TNIK: variants seen among roughly 807,000 people sequenced by gnomAD.
TNIK encodes the protein TRAF2 and NCK interacting kinase.
Under a neutral mutation model 191.3 loss-of-function variants are expected in TNIK, and 49 were observed. The observed-to-expected ratio is 0.26, with a 90% confidence interval of 0.20 to 0.32. The LOEUF (loss-of-function observed/expected upper bound fraction) is 0.32, where lower values mean the gene tolerates loss of function less well. Among genes scored for constraint, TNIK ranks in the 10% least tolerant of loss-of-function variants. The probability of loss-of-function intolerance (pLI) is 1.00; values close to 1 mark genes in which losing one functional copy is unlikely to be tolerated. For synonymous variants in TNIK, 594 were observed against 600.9 expected, an observed-to-expected ratio of 0.99 and a Z score of 0.17; for missense variants, 1,155 against 1,702.3, an observed-to-expected ratio of 0.68 and a Z score of 5.66.
chr3:171,265,285 G>A (rs996899555), intron 2 of TNIK, among the ~76,000 whole-genome samples: 2 of 152,136 alleles, frequency 1.3e-5, no homozygotes, highest in African/African-American at 2.4e-5. Context: ...TCAAATAATA[G>A]GAGAAAATCT....
At chr3:171,353,916 T>C (rs1434749653) in intron 2 of TNIK, among the ~76,000 whole-genome samples, 2 of 152,186 alleles carry the variant, frequency 1.3e-5, no homozygotes, top group Non-Finnish European at 2.9e-5. Flanking sequence ...TTTCTTAAAA[T>C]GTTTATTCTG....
intron 2 of TNIK, among the ~76,000 whole-genome samples, chr3:171,321,671 C>T (rs903064700): frequency 6.6e-6 from 1 of 152,100 alleles, no homozygotes; most frequent in Non-Finnish European, 1.5e-5. Flanking sequence ...GGAAAACAGC[C>T]TATTATGTTA....
rs552380366 is a variant in TNIK at position 171,077,166 on chromosome 3, C to T, written c.3448+2352G>A. Reference sequence around the variant, plus strand: ...ATAAATGCCCTTCAACATGGTCAAACGCAGCAGGTCATCTATTTATACCAT... The same window carrying T: ...ATAAATGCCCTTCAACATGGTCAAATGCAGCAGGTCATCTATTTATACCAT... On this transcript the variant is annotated intron_variant, in intron 28 of 32. Coordinates refer to ENST00000436636, the MANE Select transcript of TNIK (RefSeq NM_015028.4). 7.6e-5 allele frequency among the ~76,000 whole-genome samples: 11 copies of T among 144,424 alleles called. No homozygotes were observed. In the South Asian group the frequency reaches 2.3e-3, roughly 31 times the overall value. 94.7% of individuals were successfully genotyped at this position (144,424 alleles called of 152,430 possible). A position where few individuals can be genotyped will look rare whatever the true frequency, so the allele number is the denominator to read the frequency against.
intron 1 of TNIK, among the ~76,000 whole-genome samples, chr3:171,429,210 C>T (rs897358864): frequency 6.6e-6 from 1 of 152,146 alleles, no homozygotes; most frequent in African/African-American, 2.4e-5. Context: ...TTTTAACTGC[C>T]CTACTTATTT....
At chr3:171,165,243 G>A (rs1488527791) in intron 10 of TNIK, among the ~76,000 whole-genome samples, 9 of 151,934 alleles carry the variant, frequency 5.9e-5, no homozygotes, top group Non-Finnish European at 1.2e-4. Flanking sequence ...GTTGCAGTGA[G>A]CACTCCAGCC....
At chr3:171,416,691 A>C (rs75469686) in intron 1 of TNIK, among the ~76,000 whole-genome samples, 353 of 152,276 alleles carry the variant, frequency 2.3e-3, no homozygotes, top group African/African-American at 8.2e-3. Context: ...AGTAATATCT[A>C]TATCCTGAAT....
intron 1 of TNIK, among the ~76,000 whole-genome samples, chr3:171,456,004 A>C (rs922220994): frequency 6.6e-6 from 1 of 152,228 alleles, no homozygotes; most frequent in Non-Finnish European, 1.5e-5. Flanking sequence ...AGGCTTTCAG[A>C]TGAGGTCAAT....
chr3:171,209,481 T>TAA (rs1263755893), intron 4 of TNIK, among the ~76,000 whole-genome samples: 2 of 152,170 alleles, frequency 1.3e-5, no homozygotes, highest in Non-Finnish European at 1.5e-5. Flanking sequence ...AGAAGACATT[T>TAA]AAAACATGTA....
chr3:171,455,050 A>C (rs900597378), intron 1 of TNIK, among the ~76,000 whole-genome samples: 1 of 152,220 alleles, frequency 6.6e-6, no homozygotes, highest in Non-Finnish European at 1.5e-5. Flanking sequence ...TTAATCTCCA[A>C]AAAACTTCAG....
At chr3:171,437,967 A>G (rs1162104802) in intron 1 of TNIK, among the ~76,000 whole-genome samples, 4 of 152,186 alleles carry the variant, frequency 2.6e-5, no homozygotes, top group African/African-American at 9.7e-5. Context: ...GTCTTTTCCC[A>G]TACTTTCCTG....
At chr3:171,163,583 C>A (rs1023102974) in intron 10 of TNIK, among the ~76,000 whole-genome samples, 2 of 152,070 alleles carry the variant, frequency 1.3e-5, no homozygotes, top group Admixed American at 1.3e-4. Flanking sequence ...AATATTAGTT[C>A]ACCAAAATAT....
intron 2 of TNIK, among the ~76,000 whole-genome samples, chr3:171,296,031 T>C (rs1036717253): frequency 2.6e-5 from 4 of 152,220 alleles, no homozygotes; most frequent in African/African-American, 7.2e-5. Flanking sequence ...TTCTATGTAC[T>C]CTAAAAACAG....
At chr3:171,439,759 G>A (rs1259206010) in intron 1 of TNIK, 2 of 152,184 alleles carry the variant, frequency 1.3e-5, no homozygotes, top group Non-Finnish European at 1.5e-5. Context: ...CAAAGCTTAG[G>A]ACCAAATCCT....
chr3:171,276,434 G>A (rs960586156), intron 2 of TNIK, among the ~76,000 whole-genome samples: 2 of 152,132 alleles, frequency 1.3e-5, no homozygotes, highest in Non-Finnish European at 2.9e-5. Context: ...TTGGATGTCG[G>A]AAAATGTCAA....
In TNIK at chr3:171,140,512, G is replaced by A. The variant is rs764958340; in HGVS notation, c.1222-3C>T. 28 of 1,612,942 alleles carry A rather than the reference G, an allele frequency of 1.7e-5. No homozygotes were observed. The highest frequency in any genetic ancestry group is 2.1e-5 in the Non-Finnish European group (25 of 1,179,600). Reference sequence around the variant, plus strand: ...AGCTCCTTCTCTCGCCTTTGTTGCTGTGGGGCAACAAGCAGACAACCATGA... The same window carrying A: ...AGCTCCTTCTCTCGCCTTTGTTGCTATGGGGCAACAAGCAGACAACCATGA... On this transcript the variant is annotated splice_region_variant and splice_polypyrimidine_tract_variant and intron_variant, in intron 12 of 32. Coordinates refer to ENST00000436636, the MANE Select transcript of TNIK (RefSeq NM_015028.4).
Position 171,211,170 on chromosome 3 carries a change from T to A in TNIK, c.252A>T (p.Thr84=). The change falls in exon 4 of 33, where the codon ACA becomes ACT. Residue 84 remains threonine (T), a synonymous_variant. Transcript: ENST00000436636. The part of the protein sequence containing the change: ...KKYSHHRNIA[T]YYGAFIKKNP... ...TCTTTTTGATAAAAGCACCATAGTA[T>A]GTAGCAATATTCCGGTGATGAGAAT... The A allele has an allele frequency of 1.9e-6, 3 of 1,613,214 alleles. No homozygotes were observed. The highest frequency in any genetic ancestry group is 1.7e-5 in the Admixed American group (1 of 59,962).
chr3:171,270,176 A>G (rs1748905221), intron 2 of TNIK, among the ~76,000 whole-genome samples: 1 of 152,170 alleles, frequency 6.6e-6, no homozygotes. Flanking sequence ...CTACTCAGAT[A>G]CTGCCACAGT....
chr3:171,113,344 G>C (rs1576855052), intron 18 of TNIK, among the ~76,000 whole-genome samples: 1 of 152,072 alleles, frequency 6.6e-6, no homozygotes, highest in East Asian at 1.9e-4. Flanking sequence ...GGTGGCTCAC[G>C]CCTGTAATCC....
At chr3:171,121,381 G>C (rs1159791336) in intron 18 of TNIK, among the ~76,000 whole-genome samples, 3 of 152,176 alleles carry the variant, frequency 2.0e-5, no homozygotes, top group Non-Finnish European at 4.4e-5. Context: ...TTCCCATACT[G>C]ACTCAGGGCT....
Sources: gnomAD v4.1 joint callset for allele counts (sites outside exome capture counted in the v4.1 genomes callset) on GRCh38, gnomAD v4.1.1 for gene constraint, MANE v1.5 for transcripts, NCBI Gene and HGNC (gene_info 2026-07-23, HGNC 2026-07-21) for gene names.